DCTD: variants seen among roughly 807,000 people sequenced by gnomAD.
The protein encoded by DCTD is dCMP deaminase, also known as deoxycytidylate deaminase.
Under a neutral mutation model 21.0 loss-of-function variants are expected in DCTD, and 23 were observed. That is an observed-to-expected ratio of 1.09 (90% confidence interval 0.79 to 1.55). The LOEUF (loss-of-function observed/expected upper bound fraction) is 1.55, where lower values mean the gene tolerates loss of function less well. Among genes scored for constraint, DCTD ranks in the 40% most tolerant of loss-of-function variants. The pLI, the probability that DCTD is intolerant of heterozygous loss-of-function variation, is 0.00. For synonymous variants in DCTD, 71 were observed against 81.1 expected, an observed-to-expected ratio of 0.88 and a Z score of 0.67; for missense variants, 224 against 230.0, an observed-to-expected ratio of 0.97 and a Z score of 0.17.
At chr4:182,895,288 C>T (rs1734541925) in intron 3 of DCTD, among the ~76,000 whole-genome samples, 1 of 152,158 alleles carries the variant, frequency 6.6e-6, no homozygotes, top group African/African-American at 2.4e-5. Context: ...CCAGGCTGGT[C>T]TTGAAATCCT....
intron 4 of DCTD, among the ~76,000 whole-genome samples, chr4:182,893,464 G>A (rs950428097): frequency 6.6e-6 from 1 of 152,268 alleles, no homozygotes; most frequent in African/African-American, 2.4e-5. Flanking sequence ...TTACTAGTGG[G>A]AGGACTAATG....
Position 182,915,898 on chromosome 4 carries a change from C to T in DCTD, c.-7-323G>A, listed in dbSNP as rs542976356. On this transcript the variant is annotated intron_variant, in intron 1 of 5. Coordinates refer to ENST00000438320, the MANE Select transcript of DCTD (RefSeq NM_001921.3). ...TCCTTTACCTGTCTCCCTTACAAAG[C>T]GGAGTCAGCACAGGAGGAGGGTGGA... The T allele has an allele frequency of 1.2e-5, 13 of 1,102,374 alleles. No individual in the cohort carries two copies. In the East Asian group the frequency reaches 3.2e-4, roughly 27 times the overall value. The allele number at this position is 1,102,374 out of a possible 1,614,324, so 68.3% of individuals were successfully genotyped here.
chr4:182,900,738 C>A (rs1182689914), intron 3 of DCTD, among the ~76,000 whole-genome samples: 1 of 152,184 alleles, frequency 6.6e-6, no homozygotes, highest in Non-Finnish European at 1.5e-5. Flanking sequence ...CAGTTATTCC[C>A]AACCTTGTTT....
chr4:182,905,424 T>G (rs13150570), intron 3 of DCTD, among the ~76,000 whole-genome samples: 9,509 of 150,802 alleles, frequency 0.063, 355 homozygotes, highest in South Asian at 0.11. Flanking sequence ...CGCCTCCCAG[T>G]TTCAAGCAAT....
chr4:182,897,851 G>A (rs1335178728), intron 3 of DCTD, among the ~76,000 whole-genome samples: 5 of 152,154 alleles, frequency 3.3e-5, no homozygotes, highest in Non-Finnish European at 7.4e-5. Flanking sequence ...CCCAGCTGCC[G>A]CCTGTTGTGG....
At chr4:182,917,389 GGCGGGGCCGCC>G (rs1323734264), upstream of DCTD, 23 of 1,085,640 alleles carry the variant, frequency 2.1e-5, no homozygotes, top group Non-Finnish European at 2.5e-5. The surrounding 1 kb of genome is among the most constrained non-coding windows in gnomAD (Gnocchi z 4.9). Context: ...CGGGGGAGGA[GGCGGGGCCGCC>G]GCGGGGCCGG....
At chr4:182,896,858 G>A (rs868133340) in intron 3 of DCTD, among the ~76,000 whole-genome samples, 2 of 152,128 alleles carry the variant, frequency 1.3e-5, no homozygotes, top group African/African-American at 4.8e-5. Context: ...AATATTTATC[G>A]AATGAATAAA....
intron 3 of DCTD, among the ~76,000 whole-genome samples, chr4:182,902,887 A>G (rs35677082): frequency 0.13 from 19,421 of 152,178 alleles, 1,679 homozygotes; most frequent in African/African-American, 0.24. Flanking sequence ...CCAGAAAACG[A>G]GGGTTCTAGG....
intron 3 of DCTD, among the ~76,000 whole-genome samples, chr4:182,908,028 A>C (rs1290861326): frequency 1.3e-5 from 2 of 150,490 alleles, no homozygotes; most frequent in Admixed American, 1.3e-4. Flanking sequence ...GCATATCCCT[A>C]TCCAGATTAA....
intron 2 of DCTD, 79 bp from the exon 3 acceptor site, chr4:182,915,137 G>T (rs545276837): frequency 2.5e-5 from 40 of 1,572,264 alleles, no homozygotes; most frequent in Non-Finnish European, 3.5e-5. Context: ...TAAAACCAGG[G>T]GGACTGCAGA....
At chr4:182,912,120 A>C (rs1737793967) in intron 3 of DCTD, among the ~76,000 whole-genome samples, 2 of 151,830 alleles carry the variant, frequency 1.3e-5, no homozygotes, top group African/African-American at 4.8e-5. Flanking sequence ...TTATTTTTTA[A>C]ATTAATTTTG....
intron 3 of DCTD, among the ~76,000 whole-genome samples, chr4:182,895,749 G>A (rs1048654577): frequency 3.3e-5 from 5 of 152,168 alleles, no homozygotes; most frequent in African/African-American, 7.2e-5. Flanking sequence ...CCTAACAGCC[G>A]TGACTTGCAA....
At position 182,908,703 on chromosome 4, in the gene DCTD, A is replaced by AAG. The variant is rs1554052400; in HGVS notation, c.244+6219_244+6220insCT. Among the ~76,000 whole-genome samples, 244 of 134,822 alleles carry AAG rather than the reference A, an allele frequency of 1.8e-3. 2 individuals are homozygous for AAG. The East Asian group carries it at 0.026, about 14-fold the overall frequency. 88.4% of individuals were successfully genotyped at this position (134,822 alleles called of 152,430 possible). A position where few individuals can be genotyped will look rare whatever the true frequency, so the allele number is the denominator to read the frequency against. Reference sequence around the variant, plus strand: ...GTCTCAAAAAAAAAAAAAAAAAAAAAAAGAAGAAGAAGAAGAAGAAGAAAT... The same window carrying AAG: ...GTCTCAAAAAAAAAAAAAAAAAAAAAAGAAGAAGAAGAAGAAGAAGAAGAAAT... On this transcript the variant is annotated intron_variant, in intron 3 of 5. Coordinates refer to ENST00000438320, the MANE Select transcript of DCTD (RefSeq NM_001921.3).
intron 1 of DCTD, chr4:182,915,856 G>C: frequency 1.7e-6 from 2 of 1,172,422 alleles, no homozygotes; most frequent in East Asian, 5.0e-5. Flanking sequence ...TTTTATGCCA[G>C]CCTACAAATT....
At chr4:182,897,258 A>T (rs1359850010) in intron 3 of DCTD, among the ~76,000 whole-genome samples, 1 of 151,932 alleles carries the variant, frequency 6.6e-6, no homozygotes, top group Non-Finnish European at 1.5e-5. Context: ...TTAACCAAAA[A>T]ATCACAAGAT....
In DCTD at chr4:182,891,026, G is replaced by T; in HGVS notation, c.*373C>A. 1 of 190,628 alleles carries T rather than the reference G, an allele frequency of 5.2e-6. No individual in the cohort carries two copies. The highest frequency in any genetic ancestry group is 1.1e-5 in the Non-Finnish European group (1 of 92,150). The allele number at this position is 190,628 out of a possible 1,614,324, so 11.8% of individuals were successfully genotyped here. A position where few individuals can be genotyped will look rare whatever the true frequency, so the allele number is the denominator to read the frequency against. ...AGAACACAACCACAATTATTTATTT[G>T]TCCTTCCAGCACATGTAGCAGTGAA... On this transcript the variant is annotated 3_prime_UTR_variant, in exon 6 of 6. Transcript: ENST00000438320.
At chr4:182,894,973 G>A (rs557614200) in intron 3 of DCTD, among the ~76,000 whole-genome samples, 2 of 152,380 alleles carry the variant, frequency 1.3e-5, no homozygotes, top group East Asian at 1.9e-4. Flanking sequence ...CTGTTAAGAG[G>A]GCTAGGGGAT....
intron 3 of DCTD, among the ~76,000 whole-genome samples, chr4:182,904,222 A>G (rs1465767562): frequency 6.6e-6 from 1 of 152,172 alleles, no homozygotes; most frequent in Admixed American, 6.5e-5. Flanking sequence ...ATTATTGGTA[A>G]TAAAGCCCCC....
At chr4:182,902,885 C>T (rs765632878) in intron 3 of DCTD, among the ~76,000 whole-genome samples, 13 of 152,236 alleles carry the variant, frequency 8.5e-5, no homozygotes, top group South Asian at 2.1e-4. Context: ...ATCCAGAAAA[C>T]GAGGGTTCTA....
Sources: gnomAD v4.1 joint callset for allele counts (sites outside exome capture counted in the v4.1 genomes callset) on GRCh38, gnomAD v4.1.1 for gene constraint, Gnocchi (gnomAD v3.1) non-coding constraint, MANE v1.5 for transcripts, NCBI Gene and HGNC (gene_info 2026-07-23, HGNC 2026-07-21) for gene names.